LDLRAD3: variants seen among roughly 807,000 people sequenced by gnomAD.
LDLRAD3 encodes low density lipoprotein receptor class A domain containing 3, also known as low-density lipoprotein receptor class A domain-containing protein 3.
In LDLRAD3, 20 loss-of-function variants were observed where a neutral mutation model predicts 29.4. That is an observed-to-expected ratio of 0.68 (90% CI 0.48 to 0.99). LDLRAD3 has a LOEUF of 0.99. Ranked by LOEUF, LDLRAD3 falls within the 50% of genes least tolerant of loss-of-function variation. LDLRAD3 has a pLI of 0.00. For synonymous variants in LDLRAD3, 157 were observed against 192.7 expected, an observed-to-expected ratio of 0.81 and a Z score of 1.53; for missense variants, 420 against 454.3, an observed-to-expected ratio of 0.92 and a Z score of 0.69.
chr11:36,163,989 T>C (rs922095767), intron 4 of LDLRAD3, among the ~76,000 whole-genome samples: 15 of 152,276 alleles, frequency 9.9e-5, no homozygotes, highest in Admixed American at 2.0e-4. Flanking sequence ...CCTGACTGGA[T>C]TAAGAAAATA....
chr11:36,038,841 C>T (rs1436995479), intron 2 of LDLRAD3, among the ~76,000 whole-genome samples: 1 of 152,164 alleles, frequency 6.6e-6, no homozygotes, highest in East Asian at 1.9e-4. Context: ...CATACATTAA[C>T]CTCTCTCTGT....
intron 4 of LDLRAD3, among the ~76,000 whole-genome samples, chr11:36,145,818 A>G (rs1316938996): frequency 6.6e-6 from 1 of 150,528 alleles, no homozygotes; most frequent in Non-Finnish European, 1.5e-5. Context: ...CATGCTGGTT[A>G]AGAGTCATCG....
chr11:36,003,567 C>T (rs11824568), intron 1 of LDLRAD3, among the ~76,000 whole-genome samples: 2,622 of 152,208 alleles, frequency 0.017, 74 homozygotes, highest in African/African-American at 0.06. Context: ...TCTCCAGGGA[C>T]GGAGCATCAT....
chr11:36,010,007 G>T (rs771666374), intron 1 of LDLRAD3: 2 of 154,160 alleles, frequency 1.3e-5, no homozygotes, highest in Middle Eastern at 5.4e-4. Context: ...AAGTGCTCAG[G>T]CCTCAAAAAA....
In LDLRAD3 at chr11:36,231,684, G is replaced by C. The variant is rs774636012; in HGVS notation, c.*2287G>C. The C allele has an allele frequency of 5.9e-5, 9 of 151,756 alleles. No homozygotes were observed. Among genetic ancestry groups the C allele is most frequent in the Non-Finnish European group, 1.0e-4 (7 of 67,944 alleles). The allele number at this position is 151,756 out of a possible 1,614,324, so 9.4% of individuals were successfully genotyped here. A position where few individuals can be genotyped will look rare whatever the true frequency, so the allele number is the denominator to read the frequency against. On this transcript the variant is annotated 3_prime_UTR_variant, in exon 6 of 6. Transcript: ENST00000315571. Reference sequence around the variant, plus strand: ...ACAGGGACATTTTTATTATAGATTTGATTTTTTTAATGAATGTTTTTAAAA... The same window carrying C: ...ACAGGGACATTTTTATTATAGATTTCATTTTTTTAATGAATGTTTTTAAAA...
rs571561453 is a variant in LDLRAD3, at chr11:36,156,854, A to C, written c.454+58393A>C. Among the ~76,000 whole-genome samples the C allele has an allele frequency of 8.5e-5, 13 of 152,376 alleles. No individual in the cohort carries two copies. The South Asian group carries it at 2.7e-3, about 32-fold the overall frequency. ...GTAATTTGTTTTGTCATGCCAAAAA[A>C]AAAGGAAAATCTGAATTCATTTGGG... On this transcript the variant is annotated intron_variant, in intron 4 of 5. Transcript: ENST00000315571.
chr11:36,154,527 G>A (rs1197416265), intron 4 of LDLRAD3, among the ~76,000 whole-genome samples: 1 of 152,154 alleles, frequency 6.6e-6, no homozygotes, highest in Non-Finnish European at 1.5e-5. Flanking sequence ...CACAACAGAG[G>A]TTTAGAGAAG....
At chr11:36,143,391 C>G (rs555728871) in intron 4 of LDLRAD3, among the ~76,000 whole-genome samples, 1 of 152,328 alleles carries the variant, frequency 6.6e-6, no homozygotes, top group African/African-American at 2.4e-5. Flanking sequence ...GTGAATGTGG[C>G]TTTGACCACT....
intron 1 of LDLRAD3, among the ~76,000 whole-genome samples, chr11:35,960,883 C>T (rs2958195): frequency 0.047 from 7,175 of 152,278 alleles, 368 homozygotes; most frequent in African/African-American, 0.13. Flanking sequence ...CGTGAGCCAC[C>T]GTGCCCGGCC....
At chr11:35,986,261 T>C (rs1235114057) in intron 1 of LDLRAD3, among the ~76,000 whole-genome samples, 3 of 152,218 alleles carry the variant, frequency 2.0e-5, no homozygotes, top group Non-Finnish European at 4.4e-5. Context: ...ATGCCCCGGA[T>C]TGGTTAAAGG....
At chr11:36,023,130 A>T (rs1852119116) in intron 1 of LDLRAD3, among the ~76,000 whole-genome samples, 1 of 152,214 alleles carries the variant, frequency 6.6e-6, no homozygotes, top group Non-Finnish European at 1.5e-5. Context: ...TCACTGGTTA[A>T]TATGCACACC....
At chr11:36,102,835 G>A (rs191467735) in intron 4 of LDLRAD3, among the ~76,000 whole-genome samples, 91 of 152,212 alleles carry the variant, frequency 6.0e-4, no homozygotes, top group Non-Finnish European at 1.1e-3. Flanking sequence ...GTTGGGGGTC[G>A]GCGGCACTCA....
chr11:36,123,846 A>T (rs202097026), intron 4 of LDLRAD3, among the ~76,000 whole-genome samples: 41,178 of 151,994 alleles, frequency 0.27, 6,116 homozygotes, highest in Admixed American at 0.4. Context: ...AGAGTTGAAT[A>T]TTGGCTGAAG....
At position 36,001,944 on chromosome 11, in the gene LDLRAD3, C is replaced by T. The variant is rs528204701; in HGVS notation, c.47-34159C>T. Among the ~76,000 whole-genome samples, 20 of 152,126 alleles carry T rather than the reference C, an allele frequency of 1.3e-4. No homozygotes were observed. The South Asian group carries it at 4.2e-3, about 32-fold the overall frequency. On this transcript the variant is annotated intron_variant, in intron 1 of 5. Transcript: ENST00000315571. ...TAAAATTATTAGCTTTATTTTTTGTCGTTTATGTTGTTGAAAACAATAGGC... is the reference window on the plus strand; with the variant it reads ...TAAAATTATTAGCTTTATTTTTTGTTGTTTATGTTGTTGAAAACAATAGGC...
chr11:35,996,269 G>A (rs139103095), intron 1 of LDLRAD3, among the ~76,000 whole-genome samples: 67 of 152,240 alleles, frequency 4.4e-4, no homozygotes, highest in African/African-American at 1.2e-3. Context: ...TTATTGTTGC[G>A]TCTCAAGGAA....
chr11:36,174,903 A>G (rs1486069946), intron 4 of LDLRAD3, among the ~76,000 whole-genome samples: 2 of 152,098 alleles, frequency 1.3e-5, no homozygotes, highest in Non-Finnish European at 2.9e-5. Flanking sequence ...AATGGCATGA[A>G]CCCAGGAGGC....
At position 36,227,118 on chromosome 11, in the gene LDLRAD3, A is replaced by C; in HGVS notation, c.488A>C (p.Glu163Ala). 1 of 1,605,974 alleles carries C rather than the reference A, an allele frequency of 6.2e-7. No individual in the cohort carries two copies. The highest frequency in any genetic ancestry group is 8.5e-7 in the Non-Finnish European group (1 of 1,173,856). Residue 163 changes from glutamate to alanine, a missense_variant, in exon 5 of 6, where the codon GAG becomes GCG. By Grantham distance (107) the Glu-to-Ala change is moderately radical (BLOSUM62 -1). This residue lies in a region of LDLRAD3 where 224 missense variants were observed against 222.2 expected (regional missense o/e 1.01). Coordinates refer to ENST00000315571, the MANE Select transcript of LDLRAD3 (RefSeq NM_174902.4). ...PGSGQVFVTS[E>A]NQLVYYPSIT... ...AGTGGGCAGGTGTTTGTGACTTCAG[A>C]GAACCAACTTGTGTATTACCCCAGC...
intron 2 of LDLRAD3, among the ~76,000 whole-genome samples, chr11:36,069,161 A>G (rs59795791): frequency 0.052 from 7,994 of 152,290 alleles, 284 homozygotes; most frequent in South Asian, 0.15. Flanking sequence ...TGCTCAAGCC[A>G]TAAATTTTGC....
chr11:36,133,972 A>G (rs1426772343), intron 4 of LDLRAD3, among the ~76,000 whole-genome samples: 3 of 151,434 alleles, frequency 2.0e-5, no homozygotes, highest in Non-Finnish European at 2.9e-5. Context: ...ATTTCCAAGT[A>G]TATATATATA....
Sources: allele counts gnomAD v4.1 joint callset (sites outside exome capture counted in the v4.1 genomes callset), GRCh38; gene constraint gnomAD v4.1.1; regional missense constraint gnomAD v4.1.1; transcripts MANE v1.5; gene names NCBI Gene and HGNC (gene_info 2026-07-23, HGNC 2026-07-21).